Variants in ZZEF1 observed in about 807,000 individuals in gnomAD.
The protein encoded by ZZEF1 is zinc finger ZZ-type and EF-hand domain-containing protein 1.
Under a neutral mutation model 342.8 loss-of-function variants are expected in ZZEF1, and 157 were observed. The ratio of observed to expected loss-of-function variants is 0.46; its 90% CI spans 0.40 to 0.52. The LOEUF (loss-of-function observed/expected upper bound fraction) is 0.52, where lower values mean the gene tolerates loss of function less well. Ranked by LOEUF, ZZEF1 falls within the 20% of genes least tolerant of loss-of-function variation. ZZEF1 has a pLI of 0.00. For synonymous variants in ZZEF1, 1,505 were observed against 1,429.1 expected, an observed-to-expected ratio of 1.05 and a Z score of -1.20; for missense variants, 3,480 against 3,725.6, an observed-to-expected ratio of 0.93 and a Z score of 1.72.
At position 4,105,773 on chromosome 17, in the gene ZZEF1, TGA is replaced by T; in HGVS notation, c.1312_1313del (p.Ser438ThrfsTer13). On this transcript the variant is annotated frameshift_variant, in exon 7 of 55. Transcript: ENST00000381638. LOFTEE classifies it high-confidence loss of function. ...ALRHMPPLSL[S>X]PGSTDFSTFL... ...AAGTTGAGAAATCTGTAGATCCTGG[TGA>T]GAGAGAGAGTGGAGGCATGTGCCGC... 4 of 1,613,108 alleles carry T rather than the reference TGA, an allele frequency of 2.5e-6. No homozygotes were observed. Among genetic ancestry groups the T allele is most frequent in the Non-Finnish European group, 3.4e-6 (4 of 1,179,604 alleles).
intron 18 of ZZEF1, among the ~76,000 whole-genome samples, chr17:4,080,943 A>C (rs1367980199): frequency 1.3e-5 from 2 of 152,212 alleles, no homozygotes; most frequent in East Asian, 3.9e-4. Context: ...GTCAAGTAAC[A>C]AAGTACATTC....
chr17:4,103,233 C>A (rs892136920), intron 8 of ZZEF1, among the ~76,000 whole-genome samples: 62 of 151,970 alleles, frequency 4.1e-4, no homozygotes, highest in Middle Eastern at 3.4e-3. Context: ...AAAATTTAAA[C>A]AGGCAAAAGA....
At chr17:4,137,413 A>T (rs1046443765) in intron 1 of ZZEF1, among the ~76,000 whole-genome samples, 3 of 152,180 alleles carry the variant, frequency 2.0e-5, no homozygotes, top group Non-Finnish European at 4.4e-5. Flanking sequence ...GATCGAGACC[A>T]TCCTGGCTAA....
intron 11 of ZZEF1, among the ~76,000 whole-genome samples, chr17:4,092,231 C>T (rs1274568391): frequency 2.6e-5 from 4 of 151,248 alleles, no homozygotes; most frequent in African/African-American, 9.7e-5. Flanking sequence ...GGTAAAACTA[C>T]CAAAAAGAGG....
chr17:4,108,227 G>A (rs574492051), intron 6 of ZZEF1, among the ~76,000 whole-genome samples: 1 of 152,256 alleles, frequency 6.6e-6, no homozygotes, highest in African/African-American at 2.4e-5. Context: ...ATTAGAATGA[G>A]GACTATCTGA....
rs922453195 is a variant in ZZEF1, at chr17:4,025,173, C to T, written c.6893-55G>A. On this transcript the variant is annotated intron_variant, in intron 42 of 54. Coordinates refer to ENST00000381638, the MANE Select transcript of ZZEF1 (RefSeq NM_015113.4). ...AGGCACAAAAGTACAGTTCATGCTT[C>T]CAGCAGCTATTTCTTCTATAGTAAC... 465 of 1,534,416 alleles carry T rather than the reference C, an allele frequency of 3.0e-4. 1 individual carries two copies. The highest frequency in any genetic ancestry group is 5.7e-5 in the Non-Finnish European group (63 of 1,114,608).
At chr17:4,103,483 G>A (rs375530969) in intron 8 of ZZEF1, among the ~76,000 whole-genome samples, 2 of 152,078 alleles carry the variant, frequency 1.3e-5, no homozygotes, top group Admixed American at 6.5e-5. Flanking sequence ...GGAGGTGGAC[G>A]CTGCAGTGGG....
chr17:4,126,291 G>C (rs1185764289), intron 1 of ZZEF1, among the ~76,000 whole-genome samples: 1 of 150,454 alleles, frequency 6.6e-6, no homozygotes. Context: ...TATCCCTCAA[G>C]GCTTCAGAGC....
At chr17:4,111,751 T>C (rs1452430479) in intron 5 of ZZEF1, among the ~76,000 whole-genome samples, 3 of 119,296 alleles carry the variant, frequency 2.5e-5, no homozygotes, top group Non-Finnish European at 5.2e-5. Flanking sequence ...ACATATTTTA[T>C]ATATATGTTT....
Position 4,116,950 on chromosome 17 carries a change from G to A in ZZEF1, c.694+22C>T, listed in dbSNP as rs372095863. ...GAAGAAATGATCAGAGTATTTTCAG[G>A]AGAACCCCCACACACACATACCCTT... On this transcript the variant is annotated intron_variant, in intron 3 of 54. Transcript: ENST00000381638. The A allele has an allele frequency of 6.5e-6, 10 of 1,542,202 alleles. No homozygotes were observed. The African/African-American group carries it at 1.4e-4, about 21-fold the overall frequency.
intron 29 of ZZEF1, among the ~76,000 whole-genome samples, chr17:4,063,364 C>G (rs1267957858): frequency 6.6e-6 from 1 of 152,106 alleles, no homozygotes; most frequent in Non-Finnish European, 1.5e-5. Flanking sequence ...TTCCTTGAAC[C>G]CAGGCATTTG....
chr17:4,065,704 A>C (rs1490840448), intron 28 of ZZEF1, among the ~76,000 whole-genome samples: 1 of 152,078 alleles, frequency 6.6e-6, no homozygotes, highest in African/African-American at 2.4e-5. Context: ...CCAGCACCAC[A>C]CTATTTTATC....
At chr17:4,071,225 T>C (rs2057502977) in intron 25 of ZZEF1, 1 of 285,580 alleles carries the variant, frequency 3.5e-6, no homozygotes, top group Admixed American at 4.9e-5. Flanking sequence ...TTAAAGTAAT[T>C]AAGAAAAGCC....
At chr17:4,048,221 T>C (rs2056967255) in intron 37 of ZZEF1, among the ~76,000 whole-genome samples, 1 of 152,182 alleles carries the variant, frequency 6.6e-6, no homozygotes. Context: ...CAGAAGACGT[T>C]TCATGGAAAA....
At position 4,049,790 on chromosome 17, in the gene ZZEF1, G is replaced by A. The variant is rs755762266; in HGVS notation, c.5933C>T (p.Pro1978Leu). The change falls in exon 37 of 55, where the codon CCA (proline) becomes CTA (leucine). Residue 1978 changes from proline (P) to leucine (L), a missense_variant. This residue lies in a region of ZZEF1 where 1,269 missense variants were observed against 1,342.4 expected (regional missense o/e 0.95). Coordinates refer to ENST00000381638, the MANE Select transcript of ZZEF1 (RefSeq NM_015113.4). ...GDSSLEDQAL[P>L]VTVPTGASEE... Reference sequence around the variant, plus strand: ...TGACGCTCCGGTGGGCACAGTGACTGGTAGGGCCTGATCTTCTAGGCTCGA... The same window carrying A: ...TGACGCTCCGGTGGGCACAGTGACTAGTAGGGCCTGATCTTCTAGGCTCGA... 81 of 1,613,986 alleles carry A rather than the reference G, an allele frequency of 5.0e-5. No homozygotes were observed. The Admixed American group carries it at 1.2e-3, about 25-fold the overall frequency.
chr17:4,112,658 A>G lies in ZZEF1; in HGVS notation c.1017T>C (p.Asn339=), dbSNP rs1567852241. The G allele has an allele frequency of 1.2e-6, 2 of 1,614,214 alleles. No homozygotes were observed. Among genetic ancestry groups the G allele is most frequent in the Non-Finnish European group, 1.7e-6 (2 of 1,180,036 alleles). The change falls in exon 5 of 55, where the codon AAT becomes AAC. Residue 339 remains asparagine, a synonymous_variant. Coordinates refer to ENST00000381638, the MANE Select transcript of ZZEF1 (RefSeq NM_015113.4). ...QEVRDVHIPS[N]VTGYVTLLEN... Reference sequence around the variant, plus strand: ...CCAGCAGCGTCACATAGCCAGTGACATTGCTGGGGATGTGCACATCTCGGA... The same window carrying G: ...CCAGCAGCGTCACATAGCCAGTGACGTTGCTGGGGATGTGCACATCTCGGA...
In ZZEF1 at chr17:4,005,601, A is replaced by G. The variant is rs1025289879; in HGVS notation, c.*1289T>C. 1.3e-5 allele frequency: 2 copies of G among 152,406 alleles called. No homozygotes were observed. The highest frequency in any genetic ancestry group is 2.9e-5 in the Non-Finnish European group (2 of 68,154). 9.4% of individuals were successfully genotyped at this position (152,406 alleles called of 1,614,324 possible). A position where few individuals can be genotyped will look rare whatever the true frequency, so the allele number is the denominator to read the frequency against. Reference sequence around the variant, plus strand: ...CAGACCTGCAGACTTGGGCCCTTGCAATCCAGATCCCTGCAGACCCTGCAC... The same window carrying G: ...CAGACCTGCAGACTTGGGCCCTTGCGATCCAGATCCCTGCAGACCCTGCAC... On this transcript the variant is annotated 3_prime_UTR_variant, in exon 55 of 55. Coordinates refer to ENST00000381638, the MANE Select transcript of ZZEF1 (RefSeq NM_015113.4).
chr17:4,109,591 T>C, intron 6 of ZZEF1, 62 bp downstream of exon 6: 1 of 1,566,468 alleles, frequency 6.4e-7, no homozygotes, highest in South Asian at 1.1e-5. Flanking sequence ...TGATACGCCC[T>C]AAAGGATGAT....
At chr17:4,109,617 T>G in intron 6 of ZZEF1, 36 bp downstream of exon 6, 2 of 1,605,132 alleles carry the variant, frequency 1.2e-6, no homozygotes, top group South Asian at 2.2e-5. Context: ...AATGAGGGCA[T>G]GTTGAGGGGG....
Sources: gnomAD v4.1 joint callset for allele counts (sites outside exome capture counted in the v4.1 genomes callset) on GRCh38, gnomAD v4.1.1 for gene constraint, gnomAD v4.1.1 regional missense constraint, MANE v1.5 for transcripts, NCBI Gene and HGNC (gene_info 2026-07-23, HGNC 2026-07-21) for gene names.